Variants in DPYSL3 observed in about 807,000 individuals in gnomAD.
DPYSL3 encodes the protein dihydropyrimidinase like 3.
DPYSL3 carries 16 observed loss-of-function variants against 66.1 expected under a neutral mutation model. That is an observed-to-expected ratio of 0.24 (90% CI 0.16 to 0.37). DPYSL3 has a LOEUF of 0.37. Among genes scored for constraint, DPYSL3 ranks in the 10% least tolerant of loss-of-function variants. DPYSL3 has a pLI of 1.00. For missense variants in DPYSL3, 738 were observed against 916.2 expected (o/e 0.81, Z 2.51); for synonymous variants, 338 against 345.1 (o/e 0.98, Z 0.23).
intron 8 of DPYSL3, among the ~76,000 whole-genome samples, chr5:147,404,926 C>T (rs933205482): frequency 1.3e-5 from 2 of 151,996 alleles, no homozygotes; most frequent in Non-Finnish European, 1.5e-5. Flanking sequence ...ATATCATCCC[C>T]GGGGTGTTTA....
chr5:147,456,435 T>G (rs1226090791), intron 1 of DPYSL3, among the ~76,000 whole-genome samples: 1 of 152,172 alleles, frequency 6.6e-6, no homozygotes, highest in Non-Finnish European at 1.5e-5. Context: ...CTACCACACC[T>G]GCCACACCAC....
In DPYSL3 at chr5:147,405,747, C is replaced by A; in HGVS notation, c.1033-17G>T. On this transcript the variant is annotated splice_polypyrimidine_tract_variant and intron_variant, in intron 7 of 13. Coordinates refer to ENST00000343218, the MANE Select transcript of DPYSL3 (RefSeq NM_001197294.2). ...AGCTTCCAGCTGCAAGAAAAAGTCT[C>A]CAGGAGTCAATAGAAACATGAACCT... The A allele has an allele frequency of 6.2e-7, 1 of 1,602,502 alleles. No homozygotes were observed.
At position 147,391,020 on chromosome 5, in the gene DPYSL3, C is replaced by T. The variant is rs1171819264; in HGVS notation, c.*3015G>A. 6.5e-6 allele frequency: 1 copy of T among 152,746 alleles called. No individual in the cohort carries two copies. The highest frequency in any genetic ancestry group is 1.5e-5 in the Non-Finnish European group (1 of 68,142). 9.5% of individuals were successfully genotyped at this position (152,746 alleles called of 1,614,324 possible). A position where few individuals can be genotyped will look rare whatever the true frequency, so the allele number is the denominator to read the frequency against. On this transcript the variant is annotated 3_prime_UTR_variant, in exon 14 of 14. Coordinates refer to ENST00000343218, the MANE Select transcript of DPYSL3 (RefSeq NM_001197294.2). ...CCAGACACAGAACTGAACACCCACACACCAGTTTTCAAAGAGGGAACTTAC... is the reference window on the plus strand; with the variant it reads ...CCAGACACAGAACTGAACACCCACATACCAGTTTTCAAAGAGGGAACTTAC...
At chr5:147,397,884 A>ATAGAAAGAG (rs74828553) in intron 11 of DPYSL3, 39 bp from the exon 12 acceptor site, 654,588 of 1,551,218 alleles carry the variant, frequency 0.42, 141,864 homozygotes, top group African/African-American at 0.57. Flanking sequence ...CAGTAAGGGT[A>ATAGAAAGAG]GAGAAAGAGG....
At chr5:147,417,816 T>C (rs936828300) in intron 3 of DPYSL3, among the ~76,000 whole-genome samples, 1 of 152,098 alleles carries the variant, frequency 6.6e-6, no homozygotes, top group Non-Finnish European at 1.5e-5. Flanking sequence ...AAGATATGAA[T>C]TGGTCAAAAT....
chr5:147,427,730 C>A (rs1752223074), intron 1 of DPYSL3, among the ~76,000 whole-genome samples: 1 of 152,074 alleles, frequency 6.6e-6, no homozygotes, highest in Non-Finnish European at 1.5e-5. Flanking sequence ...CTCCTGCCTG[C>A]CCCCAACCCC....
chr5:147,412,156 C>T (rs1448999079), intron 6 of DPYSL3, among the ~76,000 whole-genome samples: 3 of 152,214 alleles, frequency 2.0e-5, no homozygotes, highest in Non-Finnish European at 4.4e-5. Flanking sequence ...GAGACCTTTG[C>T]TCCTCATGAG....
At chr5:147,445,988 T>C (rs944714951) in intron 1 of DPYSL3, among the ~76,000 whole-genome samples, 14 of 152,290 alleles carry the variant, frequency 9.2e-5, no homozygotes, top group South Asian at 2.1e-4. Context: ...GGATTTTAAG[T>C]GTAAAAAGCA....
chr5:147,459,778 G>A (rs1001536938), intron 1 of DPYSL3, among the ~76,000 whole-genome samples: 2 of 152,118 alleles, frequency 1.3e-5, no homozygotes, highest in Admixed American at 1.3e-4. Flanking sequence ...CAGCTCTGAT[G>A]GCAACTCATA....
intron 1 of DPYSL3, among the ~76,000 whole-genome samples, chr5:147,439,124 G>A (rs927049896): frequency 6.6e-6 from 1 of 152,178 alleles, no homozygotes; most frequent in African/African-American, 2.4e-5. Context: ...ATTTGTAAAT[G>A]CCTCCTGTTC....
rs3805545 is a variant in DPYSL3 at position 147,417,633 on chromosome 5, G to A, written c.655+814C>T. Among the ~76,000 whole-genome samples, 2,534 of 152,208 alleles carry A rather than the reference G, an allele frequency of 0.017. 130 individuals carry two copies. In the East Asian group the frequency reaches 0.19, roughly 11 times the overall value. On this transcript the variant is annotated intron_variant, in intron 3 of 13. Transcript: ENST00000343218. The stretch of plus-strand genomic sequence containing the variant: ...AGTTTGGGGCCAGCACTGGGATGGG[G>A]CCCAATTCATCAGGATTCCTTTGGG...
chr5:147,452,651 A>G (rs1052794625), intron 1 of DPYSL3, among the ~76,000 whole-genome samples: 1 of 152,094 alleles, frequency 6.6e-6, no homozygotes, highest in Non-Finnish European at 1.5e-5. Flanking sequence ...GCCGGTGAAG[A>G]CGCGGCTTCT....
intron 1 of DPYSL3, among the ~76,000 whole-genome samples, chr5:147,462,206 G>T (rs1303782507): frequency 6.6e-6 from 1 of 152,128 alleles, no homozygotes; most frequent in Non-Finnish European, 1.5e-5. Flanking sequence ...GCAAATGAGT[G>T]CTGTTTCATC....
At chr5:147,413,532 G>A in intron 5 of DPYSL3, 64 bp downstream of exon 5, 1 of 1,317,134 alleles carries the variant, frequency 7.6e-7, no homozygotes, top group Non-Finnish European at 1.1e-6. Context: ...CAAGGGCCAA[G>A]GTCATCAACA....
At chr5:147,477,366 T>C (rs1753169139) in intron 1 of DPYSL3, among the ~76,000 whole-genome samples, 1 of 151,916 alleles carries the variant, frequency 6.6e-6, no homozygotes, top group Non-Finnish European at 1.5e-5. Flanking sequence ...AACAAAGAGA[T>C]TAAGAGACCA....
At chr5:147,433,178 A>ATG (rs1752345380) in intron 1 of DPYSL3, among the ~76,000 whole-genome samples, 2 of 152,192 alleles carry the variant, frequency 1.3e-5, no homozygotes, top group South Asian at 4.1e-4. Flanking sequence ...ATAGGTCCAT[A>ATG]TGTGTCCACA....
chr5:147,395,510 T>A, intron 13 of DPYSL3, 49 bp downstream of exon 13: 1 of 1,564,350 alleles, frequency 6.4e-7, no homozygotes, highest in Non-Finnish European at 8.7e-7. Context: ...AGAACATTGA[T>A]CTTCCCCTTC....
chr5:147,428,483 A>T (rs1752241844), intron 1 of DPYSL3, among the ~76,000 whole-genome samples: 1 of 152,120 alleles, frequency 6.6e-6, no homozygotes, highest in South Asian at 2.1e-4. Flanking sequence ...GCACTGGGGA[A>T]TGTGAGCGTG....
At chr5:147,396,017 G>A (rs987006120) in intron 12 of DPYSL3, among the ~76,000 whole-genome samples, 5 of 152,096 alleles carry the variant, frequency 3.3e-5, no homozygotes, top group South Asian at 4.1e-4. Flanking sequence ...GAGGGATACC[G>A]GGGAGTGGTG....
Sources: allele counts gnomAD v4.1 joint callset (sites outside exome capture counted in the v4.1 genomes callset), GRCh38; gene constraint gnomAD v4.1.1; transcripts MANE v1.5; gene names NCBI Gene and HGNC (gene_info 2026-07-23, HGNC 2026-07-21).